The following KLF12 variants were observed in gnomAD, a reference collection of about 807,000 sequenced individuals.
KLF12 encodes Krueppel-like factor 12.
Under a neutral mutation model 37.8 loss-of-function variants are expected in KLF12, and 9 were observed. The ratio of observed to expected loss-of-function variants is 0.24; its 90% confidence interval spans 0.14 to 0.42. The LOEUF is 0.42. KLF12 is among the 10% of genes least tolerant of loss of function. KLF12 has a pLI of 1.00. For synonymous variants in KLF12, 208 were observed against 202.1 expected (o/e 1.03, Z -0.25); for missense variants, 411 against 516.0 (o/e 0.80, Z 1.97).
chr13:74,287,753 C>A, the KLF12 span, among the ~76,000 whole-genome samples: 1 of 152,140 alleles, frequency 6.6e-6, no homozygotes, highest in Non-Finnish European at 1.5e-5. Context: ...GTAGTATGAC[C>A]TCTTGTGTCC....
chr13:73,723,645 G>A (rs555840907), intron 6 of KLF12, among the ~76,000 whole-genome samples: 3 of 152,222 alleles, frequency 2.0e-5, no homozygotes, highest in East Asian at 1.9e-4. Context: ...TATCCATGTG[G>A]CTCTTGAACA....
chr13:73,691,070 G>T lies in KLF12; in HGVS notation c.*4420C>A, dbSNP rs1873795151. 6.6e-6 allele frequency: 1 copy of T among 152,592 alleles called. No individual in the cohort carries two copies. The highest frequency in any genetic ancestry group is 1.5e-5 in the Non-Finnish European group (1 of 68,032). The allele number at this position is 152,592 out of a possible 1,614,324, so 9.5% of individuals were successfully genotyped here. On this transcript the variant is annotated 3_prime_UTR_variant, in exon 8 of 8. Transcript: ENST00000377669. ...GAGTCATATATAGTATTATAAGCCG[G>T]TTTCCTAATAAGGTAAGTAACTCAC... is the stretch of plus-strand genomic sequence containing the variant.
chr13:74,281,891 T>C, the KLF12 span, among the ~76,000 whole-genome samples: 7 of 152,304 alleles, frequency 4.6e-5, no homozygotes, highest in African/African-American at 1.7e-4. Flanking sequence ...CATTGCTAGC[T>C]TCTGTAAGGG....
At chr13:73,728,546 T>C (rs1272655456) in intron 6 of KLF12, among the ~76,000 whole-genome samples, 1 of 152,268 alleles carries the variant, frequency 6.6e-6, no homozygotes, top group African/African-American at 2.4e-5. Flanking sequence ...TACCATTAAG[T>C]ATGTTAGACA....
intron 3 of KLF12, among the ~76,000 whole-genome samples, chr13:73,864,723 A>C (rs757416445): frequency 2.2e-4 from 34 of 152,132 alleles, no homozygotes; most frequent in Admixed American, 2.0e-4. Flanking sequence ...AACATCAATC[A>C]ACACAAAATT....
intron 1 of KLF12, among the ~76,000 whole-genome samples, chr13:74,131,988 T>C (rs893645907): frequency 2.6e-5 from 4 of 152,182 alleles, no homozygotes; most frequent in African/African-American, 9.7e-5. Context: ...ACATCCTATT[T>C]CCACTATGCT....
intron 1 of KLF12, among the ~76,000 whole-genome samples, chr13:74,105,654 G>A (rs1300252562): frequency 1.3e-5 from 2 of 152,124 alleles, no homozygotes; most frequent in Non-Finnish European, 2.9e-5. Flanking sequence ...GAACAAGTAG[G>A]AGAAATGGCA....
chr13:73,910,745 C>A (rs1310937727), intron 3 of KLF12, among the ~76,000 whole-genome samples: 1 of 152,078 alleles, frequency 6.6e-6, no homozygotes, highest in Non-Finnish European at 1.5e-5. Context: ...CTCCAAAACT[C>A]ATGTTGAAAT....
At chr13:74,088,235 T>C (rs1181401771) in intron 1 of KLF12, among the ~76,000 whole-genome samples, 2 of 152,020 alleles carry the variant, frequency 1.3e-5, no homozygotes, top group Admixed American at 6.6e-5. Flanking sequence ...TAACCCACCA[T>C]AGAAACTATT....
intron 6 of KLF12, among the ~76,000 whole-genome samples, chr13:73,751,353 C>T (rs1270989345): frequency 6.6e-6 from 1 of 152,090 alleles, no homozygotes; most frequent in East Asian, 1.9e-4. Flanking sequence ...ATTTACATTC[C>T]CACCAACAGT....
chr13:73,864,810 G>A (rs951371194), intron 3 of KLF12, among the ~76,000 whole-genome samples: 1 of 151,994 alleles, frequency 6.6e-6, no homozygotes. Context: ...ATATATATGC[G>A]ATAAAAGTGG....
chr13:74,069,905 G>A (rs1280341775), intron 1 of KLF12, among the ~76,000 whole-genome samples: 1 of 152,150 alleles, frequency 6.6e-6, no homozygotes, highest in East Asian at 1.9e-4. Flanking sequence ...TAAAGCAACA[G>A]ATAAAGAACA....
intron 1 of KLF12, among the ~76,000 whole-genome samples, chr13:74,083,484 G>A (rs1211120986): frequency 4.8e-5 from 7 of 144,430 alleles, no homozygotes; most frequent in Admixed American, 4.3e-4. Flanking sequence ...TCCAGCCTGG[G>A]CGATAGGAGA....
At chr13:74,041,411 A>G (rs1358907904) in intron 1 of KLF12, among the ~76,000 whole-genome samples, 5 of 152,214 alleles carry the variant, frequency 3.3e-5, no homozygotes, top group Non-Finnish European at 5.9e-5. Flanking sequence ...TGTCCTTCAG[A>G]TAAGACACGG....
At chr13:74,190,327 A>G in the KLF12 span, among the ~76,000 whole-genome samples, 579 of 152,324 alleles carry the variant, frequency 3.8e-3, 1 homozygote, top group Admixed American at 8.0e-3. Context: ...AAGCGGTTTT[A>G]TTTAATTGAA....
At chr13:74,189,954 A>G in the KLF12 span, among the ~76,000 whole-genome samples, 2 of 152,208 alleles carry the variant, frequency 1.3e-5, no homozygotes, top group African/African-American at 4.8e-5. Flanking sequence ...AACATGTGCA[A>G]GGTATTCCAT....
chr13:74,099,779 C>T (rs1196144549), intron 1 of KLF12, among the ~76,000 whole-genome samples: 5 of 152,170 alleles, frequency 3.3e-5, no homozygotes, highest in African/African-American at 1.2e-4. Flanking sequence ...TGTCTATCTC[C>T]ACTTCTGTAG....
chr13:74,126,006 A>G (rs1387456841), intron 1 of KLF12, among the ~76,000 whole-genome samples: 2 of 152,200 alleles, frequency 1.3e-5, no homozygotes, highest in African/African-American at 4.8e-5. Context: ...TTTGCTGAAA[A>G]TCAATTTCCA....
At chr13:73,859,219 G>C (rs1031944128) in intron 3 of KLF12, among the ~76,000 whole-genome samples, 1 of 152,158 alleles carries the variant, frequency 6.6e-6, no homozygotes, top group Non-Finnish European at 1.5e-5. Context: ...GTGGGGTAGG[G>C]AGAGCTTCTA....
Sources: allele counts gnomAD v4.1 joint callset (sites outside exome capture counted in the v4.1 genomes callset), GRCh38; gene constraint gnomAD v4.1.1; transcripts MANE v1.5; gene names NCBI Gene and HGNC (gene_info 2026-07-23, HGNC 2026-07-21).